Variants in SUSD4 observed in about 807,000 individuals in gnomAD.
SUSD4 encodes sushi domain containing 4, also known as sushi domain-containing protein 4.
Under a neutral mutation model 50.5 loss-of-function variants are expected in SUSD4, and 41 were observed. That is an observed-to-expected ratio of 0.81 (90% CI 0.63 to 1.05). SUSD4 has a LOEUF of 1.05. Among genes scored for constraint, SUSD4 ranks in the 50% least tolerant of loss-of-function variants. The pLI is 0.00. For missense variants in SUSD4, 580 were observed against 634.7 expected (o/e 0.91, Z 0.93); for synonymous variants, 257 against 257.3 (o/e 1.00, Z 0.01).
intron 3 of SUSD4, among the ~76,000 whole-genome samples, chr1:223,288,530 C>A (rs1664288007): frequency 6.6e-6 from 1 of 152,136 alleles, no homozygotes; most frequent in Non-Finnish European, 1.5e-5. Flanking sequence ...ATGTAAGATT[C>A]TCACCCAAAC....
At chr1:223,357,242 T>C (rs1043172203) in intron 2 of SUSD4, among the ~76,000 whole-genome samples, 2 of 151,882 alleles carry the variant, frequency 1.3e-5, no homozygotes, top group Non-Finnish European at 3.0e-5. Flanking sequence ...GGGATTTTCT[T>C]GTTGTTGTGT....
chr1:223,222,288 G>T, intron 8 of SUSD4, 68 bp from the exon 9 acceptor site: 1 of 1,518,048 alleles, frequency 6.6e-7, no homozygotes, highest in Non-Finnish European at 9.1e-7. Context: ...GGAATTATAT[G>T]CCTCATTAAA....
rs114509771 is a variant in SUSD4 at position 223,221,484 on chromosome 1, G to C, written c.*708C>G. On this transcript the variant is annotated 3_prime_UTR_variant, in exon 9 of 9. Coordinates refer to ENST00000366878, the MANE Select transcript of SUSD4 (RefSeq NM_017982.4). ...CCACACCATGAATACAAACACTGAT[G>C]ATATGTTACCAGAAGACAGCACAGA... 6.0e-3 allele frequency: 1,058 copies of C among 175,850 alleles called. 14 individuals are homozygous for C. The highest frequency in any genetic ancestry group is 0.024 in the African/African-American group (1,013 of 42,640). The allele number at this position is 175,850 out of a possible 1,614,324, so 10.9% of individuals were successfully genotyped here.
intron 2 of SUSD4, among the ~76,000 whole-genome samples, chr1:223,294,181 TATGTAG>T (rs2103156062): frequency 6.6e-6 from 1 of 152,230 alleles, no homozygotes; most frequent in South Asian, 2.1e-4. Context: ...TACATAACTC[TATGTAG>T]ATGGGGACTG....
intron 5 of SUSD4, among the ~76,000 whole-genome samples, chr1:223,235,392 G>T (rs538710833): frequency 1.3e-5 from 2 of 152,142 alleles, no homozygotes; most frequent in African/African-American, 4.8e-5. Context: ...TTACATTAGG[G>T]TTCACTCTTG....
intron 2 of SUSD4, among the ~76,000 whole-genome samples, chr1:223,318,803 CT>C (rs1666391043): frequency 6.9e-6 from 1 of 144,754 alleles, no homozygotes; most frequent in Non-Finnish European, 1.5e-5. Context: ...GAAAAAACTA[CT>C]TTAAAGTTCA....
chr1:223,288,348 C>T (rs112419094), intron 3 of SUSD4, among the ~76,000 whole-genome samples: 100 of 152,302 alleles, frequency 6.6e-4, no homozygotes, highest in African/African-American at 2.0e-3. Context: ...TTCCTGAGGC[C>T]TCCCCAGCCA....
intron 5 of SUSD4, among the ~76,000 whole-genome samples, chr1:223,260,103 G>A (rs975611620): frequency 3.9e-5 from 6 of 152,164 alleles, no homozygotes; most frequent in Non-Finnish European, 8.8e-5. Context: ...ATCATCTCCT[G>A]AAACTGTCCT....
rs78743027 is a variant in SUSD4 at position 223,331,529 on chromosome 1, C to T, written c.148+31749G>A. On this transcript the variant is annotated intron_variant, in intron 2 of 8. Transcript: ENST00000366878. ...GGCCTCCAAAAGGCAAATGCAAGCA[C>T]GGCCTGGCAATCACAGTCTTTCCAC... 7.5e-3 allele frequency among the ~76,000 whole-genome samples: 1,150 copies of T among 152,322 alleles called. 39 individuals carry two copies. The East Asian group carries it at 0.11, about 14-fold the overall frequency.
At chr1:223,350,567 A>C (rs1030471632) in intron 2 of SUSD4, among the ~76,000 whole-genome samples, 1 of 152,234 alleles carries the variant, frequency 6.6e-6, no homozygotes, top group Non-Finnish European at 1.5e-5. Flanking sequence ...CCTGACTCAG[A>C]TGTCAGAAGC....
At chr1:223,234,927 G>T in intron 5 of SUSD4, 1 of 1,564,274 alleles carries the variant, frequency 6.4e-7, no homozygotes, top group Non-Finnish European at 8.6e-7. Context: ...TAATTCAAAC[G>T]TCCTTTATTG....
rs368559778 is a variant in SUSD4 at position 223,363,272 on chromosome 1, A to G, written c.148+6T>C. 33 of 1,580,272 alleles carry G rather than the reference A, an allele frequency of 2.1e-5. No homozygotes were observed. In the African/African-American group the frequency reaches 4.3e-4, roughly 21 times the overall value. On this transcript the variant is annotated splice_donor_region_variant and intron_variant, in intron 2 of 8. Coordinates refer to ENST00000366878, the MANE Select transcript of SUSD4 (RefSeq NM_017982.4). Reference sequence around the variant, plus strand: ...CAGGCCCTCCCACCACAGCTGGGTCACTCACCGCCCGTGAGCTGTGCAGGG... The same window carrying G: ...CAGGCCCTCCCACCACAGCTGGGTCGCTCACCGCCCGTGAGCTGTGCAGGG...
intron 2 of SUSD4, among the ~76,000 whole-genome samples, chr1:223,311,758 T>G (rs1400959): frequency 0.18 from 27,406 of 152,240 alleles, 2,997 homozygotes; most frequent in Non-Finnish European, 0.25. Context: ...TCTTCCTTTC[T>G]CTAGTGTCGA....
At chr1:223,250,871 G>A (rs1460908492) in intron 5 of SUSD4, among the ~76,000 whole-genome samples, 1 of 152,174 alleles carries the variant, frequency 6.6e-6, no homozygotes, top group East Asian at 1.9e-4. Context: ...CTGGCCAACT[G>A]GGGTTTGGGA....
chr1:223,339,658 T>C (rs1667646220), intron 2 of SUSD4, among the ~76,000 whole-genome samples: 1 of 152,360 alleles, frequency 6.6e-6, no homozygotes, highest in Admixed American at 6.5e-5. Context: ...GTATGATTTC[T>C]GTGATCCTCC....
At chr1:223,306,768 C>T (rs577109387) in intron 2 of SUSD4, among the ~76,000 whole-genome samples, 1 of 152,290 alleles carries the variant, frequency 6.6e-6, no homozygotes, top group South Asian at 2.1e-4. Context: ...GCTGGGATTA[C>T]AGGCATAAGC....
chr1:223,360,827 G>A (rs977054155), intron 2 of SUSD4, among the ~76,000 whole-genome samples: 4 of 152,134 alleles, frequency 2.6e-5, no homozygotes, highest in South Asian at 4.2e-4. Context: ...AGCACTCTCC[G>A]AGGGCTGATT....
intron 2 of SUSD4, among the ~76,000 whole-genome samples, chr1:223,334,264 C>T (rs750637021): frequency 1.3e-5 from 2 of 150,996 alleles, no homozygotes; most frequent in African/African-American, 4.9e-5. Flanking sequence ...AAAGCTTCAA[C>T]AAAAAAACCT....
chr1:223,356,602 A>G (rs1668682844), intron 2 of SUSD4, among the ~76,000 whole-genome samples: 1 of 151,998 alleles, frequency 6.6e-6, no homozygotes, highest in South Asian at 2.1e-4. Flanking sequence ...TTACCTTTTG[A>G]CATATACTAA....
Sources: gnomAD v4.1 joint callset for allele counts (sites outside exome capture counted in the v4.1 genomes callset) on GRCh38, gnomAD v4.1.1 for gene constraint, MANE v1.5 for transcripts, NCBI Gene and HGNC (gene_info 2026-07-23, HGNC 2026-07-21) for gene names.